The following HELZ variants were observed in gnomAD, a reference collection of about 807,000 sequenced individuals.
HELZ encodes the protein ATP-dependent RNA helicase with zinc finger domain.
A neutral mutation model predicts 218.2 loss-of-function variants in HELZ; 23 were observed. The observed-to-expected ratio is 0.11, with a 90% CI of 0.08 to 0.15. HELZ has a LOEUF of 0.15. HELZ is among the 10% of genes least tolerant of loss of function. The pLI is 1.00. For synonymous variants in HELZ, 814 were observed against 829.4 expected, an observed-to-expected ratio of 0.98 and a Z score of 0.32; for missense variants, 1,813 against 2,353.7, an observed-to-expected ratio of 0.77 and a Z score of 4.75.
chr17:67,127,042 G>A (rs968092526), intron 24 of HELZ, among the ~76,000 whole-genome samples: 2 of 152,154 alleles, frequency 1.3e-5, no homozygotes, highest in African/African-American at 4.8e-5. Flanking sequence ...GCACAGAGGT[G>A]AGAGCAACAA....
intron 21 of HELZ, among the ~76,000 whole-genome samples, chr17:67,138,649 T>C (rs1191695353): frequency 6.6e-6 from 1 of 152,196 alleles, no homozygotes; most frequent in African/African-American, 2.4e-5. Flanking sequence ...AAACCACAGC[T>C]GGGACTAGGC....
In HELZ at chr17:67,245,145, T is replaced by C; in HGVS notation, c.-132+3A>G. The C allele has an allele frequency of 2.0e-6, 2 of 984,950 alleles. No homozygotes were observed. The highest frequency in any genetic ancestry group is 2.4e-6 in the Non-Finnish European group (2 of 829,844). The allele number at this position is 984,950 out of a possible 1,614,324, so 61.0% of individuals were successfully genotyped here. A position where few individuals can be genotyped will look rare whatever the true frequency, so the allele number is the denominator to read the frequency against. On this transcript the variant is annotated splice_donor_region_variant and intron_variant, in intron 1 of 32. Coordinates refer to ENST00000358691, the MANE Select transcript of HELZ (RefSeq NM_014877.4). ...AGCAGAGAAGGGGGAAGTCAGGACT[T>C]ACCTGTCATTACTTTCTACGCCATC...
At chr17:67,227,500 A>T (rs970172897) in intron 3 of HELZ, among the ~76,000 whole-genome samples, 17 of 152,156 alleles carry the variant, frequency 1.1e-4, no homozygotes, top group African/African-American at 4.1e-4. Context: ...ATGATTTTTT[A>T]AAACTACAAA....
At chr17:67,212,219 G>A (rs2040470975) in intron 5 of HELZ, among the ~76,000 whole-genome samples, 2 of 145,928 alleles carry the variant, frequency 1.4e-5, no homozygotes, top group South Asian at 4.4e-4. Flanking sequence ...TACTGGGGAG[G>A]CAGGAGAATT....
At chr17:67,100,472 A>C (rs1398162539) in intron 31 of HELZ, among the ~76,000 whole-genome samples, 1 of 152,208 alleles carries the variant, frequency 6.6e-6, no homozygotes, top group Admixed American at 6.5e-5. Context: ...GCCATTTCAC[A>C]AGCCAACTCC....
intron 13 of HELZ, among the ~76,000 whole-genome samples, chr17:67,171,511 C>T (rs2039309904): frequency 6.6e-6 from 1 of 152,132 alleles, no homozygotes; most frequent in Non-Finnish European, 1.5e-5. Context: ...TCCTCATAGC[C>T]CTGTTAGTTC....
intron 5 of HELZ, among the ~76,000 whole-genome samples, chr17:67,214,265 T>TG (rs1454709962): frequency 1.6e-5 from 2 of 122,400 alleles, no homozygotes; most frequent in Non-Finnish European, 3.7e-5. Flanking sequence ...ATTTCTTTTT[T>TG]TTTTTTTTTT....
intron 27 of HELZ, 39 bp from the exon 28 acceptor site, chr17:67,114,442 G>A (rs778978319): frequency 8.2e-7 from 1 of 1,216,978 alleles, no homozygotes. Flanking sequence ...GTTTTCTCCA[G>A]TGGATATGAC....
At chr17:67,158,925 C>A (rs2038919679) in intron 17 of HELZ, among the ~76,000 whole-genome samples, 1 of 152,162 alleles carries the variant, frequency 6.6e-6, no homozygotes, top group Non-Finnish European at 1.5e-5. Flanking sequence ...ATGACCTATG[C>A]TAAGTCGACC....
intron 31 of HELZ, among the ~76,000 whole-genome samples, chr17:67,104,449 A>C (rs909431168): frequency 6.6e-6 from 1 of 150,636 alleles, no homozygotes; most frequent in Non-Finnish European, 1.5e-5. Context: ...AAAAAAAAAA[A>C]CAAACAACTA....
chr17:67,099,140 T>C (rs954231959), intron 31 of HELZ, among the ~76,000 whole-genome samples: 2 of 152,212 alleles, frequency 1.3e-5, no homozygotes, highest in African/African-American at 4.8e-5. Flanking sequence ...TTTATTCTTG[T>C]TTCTATTCTT....
chr17:67,168,911 G>A (rs1238683223), intron 13 of HELZ, among the ~76,000 whole-genome samples: 1 of 152,122 alleles, frequency 6.6e-6, no homozygotes, highest in Admixed American at 6.5e-5. Flanking sequence ...GGCCAACATG[G>A]TGAAACCCTG....
intron 9 of HELZ, among the ~76,000 whole-genome samples, chr17:67,192,473 T>C (rs912020527): frequency 6.6e-6 from 1 of 152,198 alleles, no homozygotes; most frequent in Non-Finnish European, 1.5e-5. Flanking sequence ...GAAGACACAT[T>C]TAAAATCATT....
intron 17 of HELZ, among the ~76,000 whole-genome samples, chr17:67,159,738 T>A (rs775768656): frequency 2.4e-4 from 36 of 152,160 alleles, no homozygotes; most frequent in Non-Finnish European, 4.7e-4. Flanking sequence ...CTTTGACACT[T>A]TGTCTCTTAA....
chr17:67,165,947 G>A (rs1018346904), intron 15 of HELZ, among the ~76,000 whole-genome samples: 1 of 152,104 alleles, frequency 6.6e-6, no homozygotes, highest in African/African-American at 2.4e-5. Flanking sequence ...GCATGGACAA[G>A]ACAGCAAGAA....
At chr17:67,102,477 A>G (rs1598219433) in intron 31 of HELZ, among the ~76,000 whole-genome samples, 1 of 152,252 alleles carries the variant, frequency 6.6e-6, no homozygotes, top group African/African-American at 2.4e-5. Flanking sequence ...AACCATTTCC[A>G]TTTAAATGAA....
At chr17:67,235,504 CAA>C (rs535025750) in intron 3 of HELZ, among the ~76,000 whole-genome samples, 37 of 121,958 alleles carry the variant, frequency 3.0e-4, no homozygotes, top group Middle Eastern at 4.3e-3. Context: ...GACTCCCTCA[CAA>C]AAAAAAAAAA....
At position 67,072,001 on chromosome 17, in the gene HELZ, C is replaced by T. The variant is rs2035897321; in HGVS notation, c.*6251G>A. 1.2e-5 allele frequency: 1 copy of T among 84,274 alleles called. No individual in the cohort carries two copies. The highest frequency in any genetic ancestry group is 8.7e-4 in the East Asian group (1 of 1,144). The allele number at this position is 84,274 out of a possible 1,614,324, so 5.2% of individuals were successfully genotyped here. On this transcript the variant is annotated 3_prime_UTR_variant, in exon 33 of 33. Coordinates refer to ENST00000358691, the MANE Select transcript of HELZ (RefSeq NM_014877.4). The stretch of plus-strand genomic sequence containing the variant: ...TTGAAAAACAAATCCTTTGCCCTCA[C>T]CACCCTCCCCCACAAAAAAAAAAAA...
In HELZ at chr17:67,107,629, A is replaced by G; in HGVS notation, c.4781T>C (p.Leu1594Pro). The G allele has an allele frequency of 6.2e-7, 1 of 1,614,110 alleles. No individual in the cohort carries two copies. Among genetic ancestry groups the G allele is most frequent in the South Asian group, 1.1e-5 (1 of 91,080 alleles). ...SHRDQSETRE[L>P]AEMPPPQSRL... ...TGATTGAGGTGGTGGCATTTCAGCT[A>G]GTTCCCGTGTTTCACTTTGATCACG... Residue 1594 changes from leucine to proline, a missense_variant, in exon 31 of 33, where the codon CTA (leucine) becomes CCA (proline). Leu to Pro is a moderately conservative substitution (Grantham distance 98, BLOSUM62 -3). Transcript: ENST00000358691.
Sources: allele counts gnomAD v4.1 joint callset (sites outside exome capture counted in the v4.1 genomes callset), GRCh38; gene constraint gnomAD v4.1.1; transcripts MANE v1.5; gene names NCBI Gene and HGNC (gene_info 2026-07-23, HGNC 2026-07-21).